CCSER1: variants seen among roughly 807,000 people sequenced by gnomAD.
The protein encoded by CCSER1 is serine-rich coiled-coil domain-containing protein 1.
CCSER1 carries 41 observed loss-of-function variants against 82.0 expected under a neutral mutation model. The observed-to-expected ratio is 0.50, with a 90% CI of 0.39 to 0.65. The LOEUF (loss-of-function observed/expected upper bound fraction) is 0.65, where lower values mean the gene tolerates loss of function less well. Ranked by LOEUF, CCSER1 falls within the 30% of genes least tolerant of loss-of-function variation. CCSER1 has a pLI of 0.00. For synonymous variants in CCSER1, 414 were observed against 383.9 expected (o/e 1.08, Z -0.92); for missense variants, 1,119 against 1,064.2 (o/e 1.05, Z -0.72).
intron 10 of CCSER1, 58 bp downstream of exon 10, chr4:91,086,052 A>C: frequency 9.8e-7 from 1 of 1,017,114 alleles, no homozygotes; most frequent in Non-Finnish European, 1.5e-6. Context: ...ATGGTGTTGC[A>C]GTGATGTGGT....
intron 4 of CCSER1, among the ~76,000 whole-genome samples, chr4:90,440,082 C>A (rs1759642998): frequency 6.6e-6 from 1 of 152,032 alleles, no homozygotes; most frequent in Non-Finnish European, 1.5e-5. Context: ...TAGCTCACTG[C>A]AGCCTTGAGC....
intron 9 of CCSER1, among the ~76,000 whole-genome samples, chr4:91,003,547 C>G (rs1332718329): frequency 6.6e-6 from 1 of 152,046 alleles, no homozygotes; most frequent in African/African-American, 2.4e-5. Context: ...CCACGCAACC[C>G]AAAAGTCTCA....
At chr4:91,475,213 T>C (rs898482784) in intron 10 of CCSER1, among the ~76,000 whole-genome samples, 1 of 151,670 alleles carries the variant, frequency 6.6e-6, no homozygotes, top group African/African-American at 2.4e-5. Flanking sequence ...TGGATTAATT[T>C]TACTTTTATA....
intron 5 of CCSER1, among the ~76,000 whole-genome samples, chr4:90,532,867 T>G (rs996277886): frequency 2.6e-5 from 4 of 152,132 alleles, no homozygotes; most frequent in African/African-American, 7.2e-5. Flanking sequence ...CAAGTATCTA[T>G]CTTGGCTTTT....
chr4:91,352,479 C>T (rs994976667), intron 10 of CCSER1, among the ~76,000 whole-genome samples: 4 of 152,188 alleles, frequency 2.6e-5, no homozygotes, highest in Admixed American at 6.5e-5. Context: ...CTCCTGACTT[C>T]GTGATCTGCC....
chr4:90,372,115 G>A (rs1747537649), intron 3 of CCSER1, among the ~76,000 whole-genome samples: 1 of 151,920 alleles, frequency 6.6e-6, no homozygotes, highest in Non-Finnish European at 1.5e-5. Context: ...CCTCCATAGA[G>A]TACAAAAGAC....
chr4:91,366,162 G>A (rs1749599378), intron 10 of CCSER1, among the ~76,000 whole-genome samples: 1 of 152,040 alleles, frequency 6.6e-6, no homozygotes. Context: ...GGGATTACAG[G>A]CGCACCACCT....
At chr4:90,576,456 A>G (rs1455738525) in intron 5 of CCSER1, among the ~76,000 whole-genome samples, 1 of 152,180 alleles carries the variant, frequency 6.6e-6, no homozygotes, top group Non-Finnish European at 1.5e-5. Flanking sequence ...TAATACATGT[A>G]TCTACCATTG....
At chr4:90,154,338 C>A (rs1210622008) in intron 1 of CCSER1, among the ~76,000 whole-genome samples, 1 of 152,190 alleles carries the variant, frequency 6.6e-6, no homozygotes, top group Non-Finnish European at 1.5e-5. Flanking sequence ...GTTCTTTTGG[C>A]TTAGGATTGA....
intron 8 of CCSER1, among the ~76,000 whole-genome samples, chr4:90,883,144 C>A (rs1457549451): frequency 6.6e-6 from 1 of 151,916 alleles, no homozygotes; most frequent in Non-Finnish European, 1.5e-5. Context: ...ATAGTCATAG[C>A]ACCATATTAT....
chr4:91,052,887 AC>A (rs1012936867), intron 9 of CCSER1, among the ~76,000 whole-genome samples: 32 of 152,184 alleles, frequency 2.1e-4, no homozygotes, highest in African/African-American at 7.5e-4. Context: ...GATTTAAGAA[AC>A]CTATGAAGCT....
chr4:91,526,601 C>T (rs79093791), intron 10 of CCSER1, among the ~76,000 whole-genome samples: 3,243 of 152,152 alleles, frequency 0.021, 50 homozygotes, highest in Non-Finnish European at 0.035. Flanking sequence ...AGATCATATA[C>T]TCTATTATTT....
intron 10 of CCSER1, among the ~76,000 whole-genome samples, chr4:91,260,838 G>C (rs1297847861): frequency 6.6e-6 from 1 of 152,068 alleles, no homozygotes; most frequent in Admixed American, 6.5e-5. Flanking sequence ...TCGGCTCACT[G>C]CAAGCTCCAC....
At chr4:90,527,328 A>G (rs1238034023) in intron 5 of CCSER1, among the ~76,000 whole-genome samples, 4 of 152,224 alleles carry the variant, frequency 2.6e-5, no homozygotes, top group Non-Finnish European at 2.9e-5. Context: ...TATGTGGCCA[A>G]CAAACATGTG....
At chr4:91,186,587 A>G (rs1026759281) in intron 10 of CCSER1, among the ~76,000 whole-genome samples, 14 of 152,164 alleles carry the variant, frequency 9.2e-5, no homozygotes, top group African/African-American at 3.1e-4. Flanking sequence ...ACACAGAAAT[A>G]TAGAGGTGCG....
At chr4:90,495,227 G>A (rs1321097214) in intron 5 of CCSER1, among the ~76,000 whole-genome samples, 1 of 152,040 alleles carries the variant, frequency 6.6e-6, no homozygotes, top group Non-Finnish European at 1.5e-5. Flanking sequence ...AAATTTTTGA[G>A]TCCTCAAAAC....
At chr4:91,282,720 G>A (rs891866760) in intron 10 of CCSER1, among the ~76,000 whole-genome samples, 1 of 152,040 alleles carries the variant, frequency 6.6e-6, no homozygotes, top group Non-Finnish European at 1.5e-5. Flanking sequence ...TAGGTCCAAG[G>A]CCTTAATATT....
intron 10 of CCSER1, among the ~76,000 whole-genome samples, chr4:91,378,677 A>C (rs1038215721): frequency 1.3e-5 from 2 of 152,132 alleles, no homozygotes; most frequent in Admixed American, 1.3e-4. Context: ...TTCTAAATAT[A>C]CAATCTTGTC....
At chr4:91,188,345 G>A (rs1734738575) in intron 10 of CCSER1, among the ~76,000 whole-genome samples, 1 of 152,048 alleles carries the variant, frequency 6.6e-6, no homozygotes, top group South Asian at 2.1e-4. Context: ...TGATGTTACG[G>A]CGTTTTAATT....
Sources: gnomAD v4.1 joint callset for allele counts (sites outside exome capture counted in the v4.1 genomes callset) on GRCh38, gnomAD v4.1.1 for gene constraint, MANE v1.5 for transcripts, NCBI Gene and HGNC (gene_info 2026-07-23, HGNC 2026-07-21) for gene names.